Variants in PTPRH observed in about 807,000 individuals in gnomAD.
The protein encoded by PTPRH is protein tyrosine phosphatase receptor type H, also known as receptor-type tyrosine-protein phosphatase H.
Under a neutral mutation model 130.2 loss-of-function variants are expected in PTPRH, and 113 were observed. The ratio of observed to expected loss-of-function variants is 0.87; its 90% CI spans 0.75 to 1.01. PTPRH has a LOEUF of 1.01. Ranked by LOEUF, PTPRH falls within the 50% of genes least tolerant of loss-of-function variation. The probability of loss-of-function intolerance (pLI) is 0.00; values close to 1 mark genes in which losing one functional copy is unlikely to be tolerated. For synonymous variants in PTPRH, 556 were observed against 577.9 expected (o/e 0.96, Z 0.54); for missense variants, 1,430 against 1,425.0 (o/e 1.00, Z -0.06).
Position 55,205,533 on chromosome 19 carries a change from T to C in PTPRH, c.412A>G (p.Thr138Ala), listed in dbSNP as rs1386527329. ...EAQTNSSIAL[T>A]WEVPDGPDPQ... ...TCTGGGCCGTCGGGGACCTCCCAGG[T>C]CAGGGCGATGGAGCTGTTGGTCTGA... The change falls in exon 4 of 20, where the codon ACC (threonine) becomes GCC (alanine). Residue 138 changes from threonine (T) to alanine (A), a missense_variant. By Grantham distance (58) the Thr-to-Ala change is moderately conservative (BLOSUM62 0). Transcript: ENST00000376350. The C allele has an allele frequency of 6.2e-7, 1 of 1,614,088 alleles. No individual in the cohort carries two copies. The highest frequency in any genetic ancestry group is 1.7e-5 in the Admixed American group (1 of 59,996).
At chr19:55,199,420 C>T (rs1205555552) in intron 7 of PTPRH, among the ~76,000 whole-genome samples, 5 of 152,146 alleles carry the variant, frequency 3.3e-5, no homozygotes, top group African/African-American at 9.7e-5. Flanking sequence ...GCTTGGGCAA[C>T]ATGGCAAAAC....
chr19:55,189,711 C>T (rs958074347), intron 12 of PTPRH: 9 of 455,848 alleles, frequency 2.0e-5, no homozygotes, highest in African/African-American at 8.0e-5. Context: ...CTGGGTGCAG[C>T]GGCTCACGCC....
rs571966760 is a variant in PTPRH at position 55,186,531 on chromosome 19, G to T, written c.2576C>A (p.Ser859Tyr). Residue 859 changes from serine (S) to tyrosine (Y), a missense_variant, in exon 15 of 20, where the codon TCC (serine) becomes TAC (tyrosine). Coordinates refer to ENST00000376350, the MANE Select transcript of PTPRH (RefSeq NM_002842.5). ...RYRNVLPYDWSRVPLKPIHEE... is the reference protein window; with the variant it reads ...RYRNVLPYDWYRVPLKPIHEE... ...ATGGATGGGCTTCAGGGGCACCCGG[G>T]ACCAGTCATCTAGGAGAAGAGGCCA... 7.1e-7 allele frequency: 1 copy of T among 1,414,558 alleles called. No individual in the cohort carries two copies. The highest frequency in any genetic ancestry group is 3.2e-5 in the African/African-American group (1 of 31,640). The allele number at this position is 1,414,558 out of a possible 1,614,324, so 87.6% of individuals were successfully genotyped here.
chr19:55,207,542 G>A (rs2087109024), intron 1 of PTPRH, among the ~76,000 whole-genome samples: 1 of 152,346 alleles, frequency 6.6e-6, no homozygotes, highest in African/African-American at 2.4e-5. Context: ...ACCAAGGTTG[G>A]GGATCAGGAA....
chr19:55,191,790 T>G, intron 10 of PTPRH, 49 bp from the exon 11 acceptor site: 1 of 1,490,588 alleles, frequency 6.7e-7, no homozygotes, highest in Non-Finnish European at 9.4e-7. Flanking sequence ...TCTGAGCTGC[T>G]CATCTGTCTC....
chr19:55,185,624 G>A lies in PTPRH; in HGVS notation c.2940C>T (p.His980=). The change falls in exon 18 of 20, where the codon CAC becomes CAT. Residue 980 remains histidine (H), a synonymous_variant. Transcript: ENST00000376350. The part of the protein sequence containing the change: ...EQKTLSVRQF[H]YQAWPDHGVP... ...CGCCGTGATCCGGCCAGGCCTGGTA[G>A]TGGAATTGGCGCACAGACAGTGTCT... 2 of 1,614,216 alleles carry A rather than the reference G, an allele frequency of 1.2e-6. No homozygotes were observed. Among genetic ancestry groups the A allele is most frequent in the Non-Finnish European group, 1.7e-6 (2 of 1,180,036 alleles).
At chr19:55,184,679 C>T (rs947782497) in intron 18 of PTPRH, among the ~76,000 whole-genome samples, 13 of 151,798 alleles carry the variant, frequency 8.6e-5, no homozygotes, top group African/African-American at 2.7e-4. Context: ...CCCAGCTACT[C>T]GGGAGGCTGA....
Position 55,196,636 on chromosome 19 carries a change from C to T in PTPRH, c.2143G>A (p.Ala715Thr), listed in dbSNP as rs764159772. ...GSQDRSSCGE[A>T]VSVLGLGPAR... Reference sequence around the variant, plus strand: ...GGCCCGAGACCCAACACAGACACAGCCTCCCCACATGAAGATCTGTCCTGG... The same window carrying T: ...GGCCCGAGACCCAACACAGACACAGTCTCCCCACATGAAGATCTGTCCTGG... The change falls in exon 10 of 20, where the codon GCT becomes ACT. Residue 715 changes from alanine (A) to threonine (T), a missense_variant. Transcript: ENST00000376350. 1.6e-5 allele frequency: 26 copies of T among 1,613,920 alleles called. No individual in the cohort carries two copies. The highest frequency in any genetic ancestry group is 2.0e-5 in the Non-Finnish European group (24 of 1,180,040).
intron 12 of PTPRH, among the ~76,000 whole-genome samples, chr19:55,189,205 C>T (rs1390198338): frequency 3.9e-5 from 6 of 152,084 alleles, no homozygotes; most frequent in African/African-American, 1.2e-4. Flanking sequence ...AGGCTGGTCT[C>T]GAACTCCTGA....
chr19:55,194,763 A>G (rs2086637065), intron 10 of PTPRH, among the ~76,000 whole-genome samples: 1 of 152,210 alleles, frequency 6.6e-6, no homozygotes, highest in Non-Finnish European at 1.5e-5. Context: ...ACTACTGGGT[A>G]TAGACCCAAG....
chr19:55,187,060 G>T (rs1349479894), intron 14 of PTPRH, among the ~76,000 whole-genome samples: 2 of 146,034 alleles, frequency 1.4e-5, no homozygotes, highest in African/African-American at 5.1e-5. Flanking sequence ...AAAAAAAGGT[G>T]GGGGGCCGGG....
Position 55,209,318 on chromosome 19 carries a change from G to C in PTPRH, c.51+65C>G. The C allele has an allele frequency of 1.4e-6, 2 of 1,411,324 alleles. No individual in the cohort carries two copies. Among genetic ancestry groups the C allele is most frequent in the Non-Finnish European group, 2.0e-6 (2 of 1,018,734 alleles). 87.4% of individuals were successfully genotyped at this position (1,411,324 alleles called of 1,614,324 possible). A position where few individuals can be genotyped will look rare whatever the true frequency, so the allele number is the denominator to read the frequency against. ...CTCAAGATCGAGGTGCAGGCACCCA[G>C]CTCCTTCTCCCTCAGACCTGGGAGT... On this transcript the variant is annotated intron_variant, in intron 1 of 19. Coordinates refer to ENST00000376350, the MANE Select transcript of PTPRH (RefSeq NM_002842.5). The surrounding 1 kb of genome is among the most constrained non-coding windows in gnomAD (Gnocchi z 4.1).
Position 55,206,926 on chromosome 19 carries a change from C to T in PTPRH, c.115G>A (p.Glu39Lys). The stretch of plus-strand genomic sequence containing the variant: ...GAGATGGAGCTGGTGGTCTGAGTCT[C>T]CACTGTCAGGTTCCTCCCTGGGTTG... ...APNPGRNLTV[E>K]TQTTSSISLS... Residue 39 changes from glutamate (E) to lysine (K), a missense_variant, in exon 3 of 20, where the codon GAG becomes AAG. By Grantham distance (56) the Glu-to-Lys change is moderately conservative (BLOSUM62 1). Transcript: ENST00000376350. 1.9e-6 allele frequency: 3 copies of T among 1,607,514 alleles called. No individual in the cohort carries two copies. Among genetic ancestry groups the T allele is most frequent in the Non-Finnish European group, 2.6e-6 (3 of 1,175,736 alleles).
At chr19:55,187,262 G>A (rs1273912938) in intron 14 of PTPRH, among the ~76,000 whole-genome samples, 6 of 136,440 alleles carry the variant, frequency 4.4e-5, no homozygotes, top group Non-Finnish European at 9.3e-5. Context: ...GGAGAATGGC[G>A]TGAACCCGGG....
chr19:55,200,683 C>T (rs1281323915), intron 6 of PTPRH, among the ~76,000 whole-genome samples, 181 bp from the exon 7 acceptor site: 9 of 152,210 alleles, frequency 5.9e-5, no homozygotes, highest in African/African-American at 1.9e-4. Context: ...TGGCTCACGC[C>T]TGTAATCCCA....
Position 55,198,859 on chromosome 19 carries a change from C to A in PTPRH, c.1474G>T (p.Ala492Ser). The change falls in exon 8 of 20, where the codon GCT (alanine) becomes TCT (serine). Residue 492 changes from alanine to serine, a missense_variant. By Grantham distance (99) the Ala-to-Ser change is moderately conservative (BLOSUM62 1). Transcript: ENST00000376350. The part of the protein sequence containing the change: ...SKQDWTNSTI[A>S]LRWTAPQGPG... ...CCCTGGGGAGCTGTCCAGCGCAAAG[C>A]AATGGTGCTGTTGGTCCAGTCCTGC... The A allele has an allele frequency of 6.4e-7, 1 of 1,570,156 alleles. No homozygotes were observed. Among genetic ancestry groups the A allele is most frequent in the Non-Finnish European group, 8.7e-7 (1 of 1,155,438 alleles).
At position 55,181,774 on chromosome 19, in the gene PTPRH, C is replaced by T; in HGVS notation, c.3328G>A (p.Ala1110Thr). The part of the protein sequence containing the change: ...LIYENVAAIQ[A>T]HKLEV ...GTCACTTAGACCTCCAACTTGTGGG[C>T]CTGGATGGCGGCCACGTTCTCGTAG... The change falls in exon 20 of 20, where the codon GCC (alanine) becomes ACC (threonine). Residue 1110 changes from alanine to threonine, a missense_variant. Transcript: ENST00000376350. 1.2e-6 allele frequency: 2 copies of T among 1,614,152 alleles called. No homozygotes were observed. Among genetic ancestry groups the T allele is most frequent in the Admixed American group, 1.7e-5 (1 of 60,006 alleles).
rs780181518 is a variant in PTPRH at position 55,198,899 on chromosome 19, C to T, written c.1434G>A (p.Val478=). 6 of 1,520,728 alleles carry T rather than the reference C, an allele frequency of 3.9e-6. No homozygotes were observed. The highest frequency in any genetic ancestry group is 4.4e-6 in the Non-Finnish European group (5 of 1,131,554). 94.2% of individuals were successfully genotyped at this position (1,520,728 alleles called of 1,614,324 possible). A position where few individuals can be genotyped will look rare whatever the true frequency, so the allele number is the denominator to read the frequency against. ...TCCAGTCCTGCTTGCTGAGGCTTGT[C>T]ACTGCGTTGGGGACTGGGAGAGGGA... ...NVSISTVPNA[V]TSLSKQDWTN... is the part of the protein sequence containing the mutation. Residue 478 remains valine (V), a synonymous_variant, in exon 8 of 20, where the codon GTG becomes GTA. Transcript: ENST00000376350.
chr19:55,187,327 A>G (rs1262130544), intron 14 of PTPRH, among the ~76,000 whole-genome samples, 186 bp downstream of exon 14: 1 of 115,516 alleles, frequency 8.7e-6, no homozygotes, highest in Admixed American at 8.7e-5. Context: ...CCTGGGTGAC[A>G]GAGCGAGACT....
Sources: allele counts gnomAD v4.1 joint callset (sites outside exome capture counted in the v4.1 genomes callset), GRCh38; gene constraint gnomAD v4.1.1; non-coding constraint Gnocchi (gnomAD v3.1); transcripts MANE v1.5; gene names NCBI Gene and HGNC (gene_info 2026-07-23, HGNC 2026-07-21).